The following SH3BP4 variants were observed in gnomAD, a reference collection of about 807,000 sequenced individuals.
SH3BP4 encodes the protein SH3 domain-binding protein 4.
Under a neutral mutation model 65.5 loss-of-function variants are expected in SH3BP4, and 33 were observed. That is an observed-to-expected ratio of 0.50 (90% CI 0.38 to 0.67). SH3BP4 has a LOEUF of 0.67. SH3BP4 is among the 30% of genes least tolerant of loss of function. The probability of loss-of-function intolerance (pLI) is 0.00; values close to 1 mark genes in which losing one functional copy is unlikely to be tolerated. For synonymous variants in SH3BP4, 552 were observed against 545.5 expected (o/e 1.01, Z -0.17); for missense variants, 1,134 against 1,261.4 (o/e 0.90, Z 1.53).
rs1292665749 is a variant in SH3BP4 at position 235,042,984 on chromosome 2, G to A, written c.2215G>A (p.Val739Met). Reference protein sequence around the residue: ...LCSGPELSTSVLLEQILRPCK... With the variant: ...LCSGPELSTSMLLEQILRPCK... Reference sequence around the variant, plus strand: ...CTCGGGCCCCGAGCTGAGCACCTCGGTGCTGCTGGAGCAGATCCTGCGGCC... The same window carrying A: ...CTCGGGCCCCGAGCTGAGCACCTCGATGCTGCTGGAGCAGATCCTGCGGCC... The change falls in exon 4 of 6, where the codon GTG becomes ATG. Residue 739 changes from valine to methionine, a missense_variant. Coordinates refer to ENST00000392011, the MANE Select transcript of SH3BP4 (RefSeq NM_014521.3). The surrounding 1 kb of genome is among the most constrained non-coding windows in gnomAD (Gnocchi z 7.3). 3 of 1,612,224 alleles carry A rather than the reference G, an allele frequency of 1.9e-6. No individual in the cohort carries two copies. The highest frequency in any genetic ancestry group is 1.7e-6 in the Non-Finnish European group (2 of 1,178,956).
chr2:234,968,956 T>C (rs549019006), intron 1 of SH3BP4, among the ~76,000 whole-genome samples: 168 of 152,376 alleles, frequency 1.1e-3, no homozygotes, highest in Middle Eastern at 6.8e-3. Context: ...CTCACACAGT[T>C]GATCACTGCC....
intron 2 of SH3BP4, among the ~76,000 whole-genome samples, chr2:235,017,432 C>T (rs111360011): frequency 3.7e-4 from 53 of 141,582 alleles, no homozygotes; most frequent in African/African-American, 1.3e-3. Context: ...GGCAACAGAG[C>T]GAGACTCAGT....
Position 235,053,887 on chromosome 2 carries a change from C to T in SH3BP4, c.*71C>T, listed in dbSNP as rs576422631. The T allele has an allele frequency of 1.2e-4, 153 of 1,274,192 alleles. No individual in the cohort carries two copies. The highest frequency in any genetic ancestry group is 2.3e-4 in the Middle Eastern group (1 of 4,368). 78.9% of individuals were successfully genotyped at this position (1,274,192 alleles called of 1,614,324 possible). A position where few individuals can be genotyped will look rare whatever the true frequency, so the allele number is the denominator to read the frequency against. ...TGCCCTGCGTGCCCTGCTGTCACCG[C>T]GGAGCTGAAGAGGGAGGAAGGGGCG... On this transcript the variant is annotated 3_prime_UTR_variant, in exon 6 of 6. Coordinates refer to ENST00000392011, the MANE Select transcript of SH3BP4 (RefSeq NM_014521.3).
At chr2:234,969,216 TA>T (rs1259308217) in intron 1 of SH3BP4, among the ~76,000 whole-genome samples, 5 of 152,244 alleles carry the variant, frequency 3.3e-5, no homozygotes, top group Admixed American at 3.3e-4. Flanking sequence ...CAGCTTAGGC[TA>T]TCTCACTTAT....
intron 1 of SH3BP4, among the ~76,000 whole-genome samples, chr2:234,992,428 G>A (rs1278035988): frequency 6.6e-6 from 1 of 152,238 alleles, no homozygotes; most frequent in Non-Finnish European, 1.5e-5. Context: ...AGTGTCACAA[G>A]GAGGAAGGCA....
rs915151579 is a variant in SH3BP4 at position 235,055,416 on chromosome 2, C to G, written c.*1600C>G. The G allele has an allele frequency of 6.6e-6, 1 of 152,632 alleles. No individual in the cohort carries two copies. Among genetic ancestry groups the G allele is most frequent in the Non-Finnish European group, 1.5e-5 (1 of 68,040 alleles). 9.5% of individuals were successfully genotyped at this position (152,632 alleles called of 1,614,324 possible). A position where few individuals can be genotyped will look rare whatever the true frequency, so the allele number is the denominator to read the frequency against. ...TTTATGCTGCAAGAACCAGGACACACAATTCGCCAATCATCCCACCATATA... is the reference window on the plus strand; with the variant it reads ...TTTATGCTGCAAGAACCAGGACACAGAATTCGCCAATCATCCCACCATATA... On this transcript the variant is annotated 3_prime_UTR_variant, in exon 6 of 6. Coordinates refer to ENST00000392011, the MANE Select transcript of SH3BP4 (RefSeq NM_014521.3).
At position 235,049,804 on chromosome 2, in the gene SH3BP4, C is replaced by T. The variant is rs1277940078; in HGVS notation, c.2479-2758C>T. ...TCATGGAATTGGGAAGGCCGCTGGCCGAGTGCTGAGAAGTTTGCATATTTG... is the reference window on the plus strand; with the variant it reads ...TCATGGAATTGGGAAGGCCGCTGGCTGAGTGCTGAGAAGTTTGCATATTTG... On this transcript the variant is annotated intron_variant, in intron 4 of 5. Transcript: ENST00000392011. Among the ~76,000 whole-genome samples, 8 of 152,160 alleles carry T rather than the reference C, an allele frequency of 5.3e-5. No homozygotes were observed. In the East Asian group the frequency reaches 1.2e-3, roughly 22 times the overall value.
chr2:234,970,914 G>A (rs1692982025), intron 1 of SH3BP4, among the ~76,000 whole-genome samples: 1 of 152,032 alleles, frequency 6.6e-6, no homozygotes, highest in African/African-American at 2.4e-5. Context: ...AGGTAGATGT[G>A]GGGATGGCTG....
rs928059903 is a variant in SH3BP4, at chr2:234,985,525, A to G, written c.-206-9778A>G. ...TAAGCATTTTAGACCCAATGCACAC[A>G]GTCGTTTTTCACTCTCTGTGCACAG... On this transcript the variant is annotated intron_variant, in intron 1 of 5. Transcript: ENST00000392011. Among the ~76,000 whole-genome samples the G allele has an allele frequency of 5.9e-5, 9 of 152,310 alleles. No individual in the cohort carries two copies. The East Asian group carries it at 1.7e-3, about 29-fold the overall frequency.
At chr2:235,038,389 ATAT>A (rs1170032275) in intron 3 of SH3BP4, among the ~76,000 whole-genome samples, 1 of 16,974 alleles carries the variant, frequency 5.9e-5, no homozygotes, top group African/African-American at 2.4e-4. Flanking sequence ...ATATATATAT[ATAT>A]ATATATATAT....
chr2:235,042,044 T>G lies in SH3BP4; in HGVS notation c.1275T>G (p.Tyr425Ter). The change falls in exon 4 of 6, where the codon TAT becomes TAG. Residue 425 changes from tyrosine (Y) to a stop codon, truncating the protein, a stop_gained. Coordinates refer to ENST00000392011, the MANE Select transcript of SH3BP4 (RefSeq NM_014521.3). LOFTEE classifies it high-confidence loss of function. The surrounding 1 kb of genome is among the most constrained non-coding windows in gnomAD (Gnocchi z 7.3). Reference protein sequence around the residue: ...CLRSDSKEGPYVSVPLNCSCG... With the variant: ...CLRSDSKEGP The stretch of plus-strand genomic sequence containing the variant: ...GGAGCGACTCGAAGGAAGGGCCATA[T>G]GTCTCCGTCCCGCTCAACTGCAGCT... 6.2e-7 allele frequency: 1 copy of G among 1,614,066 alleles called. No individual in the cohort carries two copies. The highest frequency in any genetic ancestry group is 8.5e-7 in the Non-Finnish European group (1 of 1,180,030).
At chr2:234,953,033 C>G (rs953739237) in intron 1 of SH3BP4, 1 of 152,278 alleles carries the variant, frequency 6.6e-6, no homozygotes, top group African/African-American at 2.4e-5. Flanking sequence ...GGAGAGCCGC[C>G]GGACTCAGCG....
chr2:234,957,303 G>GCCA (rs1380155772), intron 1 of SH3BP4, among the ~76,000 whole-genome samples: 2 of 152,088 alleles, frequency 1.3e-5, no homozygotes, highest in Non-Finnish European at 2.9e-5. Context: ...ACAGATGCAA[G>GCCA]CCACCATGCC....
intron 2 of SH3BP4, among the ~76,000 whole-genome samples, chr2:235,029,854 G>T (rs1695123287): frequency 6.6e-6 from 1 of 152,154 alleles, no homozygotes; most frequent in Non-Finnish European, 1.5e-5. Flanking sequence ...ATGCACTGAT[G>T]GGTCACTCTA....
intron 4 of SH3BP4, among the ~76,000 whole-genome samples, chr2:235,051,636 G>A (rs2106344876): frequency 6.6e-6 from 1 of 152,082 alleles, no homozygotes; most frequent in Admixed American, 6.5e-5. Flanking sequence ...ACAGTCCTGG[G>A]GGAGGTCTGT....
chr2:234,981,195 G>A (rs78295968), intron 1 of SH3BP4, among the ~76,000 whole-genome samples: 22,943 of 152,148 alleles, frequency 0.15, 2,268 homozygotes, highest in Non-Finnish European at 0.22. Context: ...ACACTTTTGC[G>A]GCATTCCTAG....
At chr2:235,038,385 A>ATTT (rs1448474254) in intron 3 of SH3BP4, among the ~76,000 whole-genome samples, 1 of 12,928 alleles carries the variant, frequency 7.7e-5, no homozygotes, top group African/African-American at 6.1e-4. Context: ...ACATATATAT[A>ATTT]TATATATATA....
intron 2 of SH3BP4, among the ~76,000 whole-genome samples, chr2:235,022,855 G>A (rs1185666933): frequency 6.6e-6 from 1 of 152,196 alleles, no homozygotes; most frequent in African/African-American, 2.4e-5. Context: ...AAATGTGGCA[G>A]TCTTGCTGGG....
rs1462186342 is a variant in SH3BP4, at chr2:234,952,049, C to G, written c.-328C>G. ...CCGGCACTCTCGGCGGTCCGGGCCC[C>G]TCGCCACTACCGCCGCCGCCGCCGC... is the stretch of plus-strand genomic sequence containing the variant. On this transcript the variant is annotated 5_prime_UTR_variant, in exon 1 of 6. Coordinates refer to ENST00000392011, the MANE Select transcript of SH3BP4 (RefSeq NM_014521.3). This position sits in a 1 kb window ranked among gnomAD's most constrained non-coding sequence, Gnocchi z 6.5. 6.8e-6 allele frequency: 1 copy of G among 147,434 alleles called. No individual in the cohort carries two copies. The highest frequency in any genetic ancestry group is 1.5e-5 in the Non-Finnish European group (1 of 65,984). The allele number at this position is 147,434 out of a possible 1,614,324, so 9.1% of individuals were successfully genotyped here.
Sources: allele counts gnomAD v4.1 joint callset (sites outside exome capture counted in the v4.1 genomes callset), GRCh38; gene constraint gnomAD v4.1.1; non-coding constraint Gnocchi (gnomAD v3.1); transcripts MANE v1.5; gene names NCBI Gene and HGNC (gene_info 2026-07-23, HGNC 2026-07-21).